Variants in C16orf92 observed in about 807,000 individuals in gnomAD.
C16orf92 encodes fertilization-influencing membrane protein 1.
In C16orf92, 14 loss-of-function variants were observed where a neutral mutation model predicts 13.7. That is an observed-to-expected ratio of 1.02 (90% CI 0.67 to 1.60). C16orf92 has a LOEUF of 1.60. C16orf92 is among the 40% of genes most tolerant of loss of function. The probability of loss-of-function intolerance (pLI) is 0.00; values close to 1 mark genes in which losing one functional copy is unlikely to be tolerated. For synonymous variants in C16orf92, 50 were observed against 57.4 expected (o/e 0.87, Z 0.58); for missense variants, 116 against 139.0 (o/e 0.83, Z 0.83).
downstream of C16orf92, among the ~76,000 whole-genome samples, chr16:30,026,078 C>CA (rs979154105): frequency 6.6e-6 from 1 of 151,808 alleles, no homozygotes; most frequent in African/African-American, 2.4e-5. Flanking sequence ...CTAAAAATAC[C>CA]AAAAAAATTA....
rs982136674 is a variant in C16orf92, at chr16:30,024,581, G to T, written c.*354G>T. On this transcript the variant is annotated 3_prime_UTR_variant, in exon 4 of 4. Coordinates refer to ENST00000681219, the MANE Select transcript of C16orf92 (RefSeq NM_001109659.2). ...TGCAGCCGATGGTGAGGGACTGGGCGCCCTCGCCTGCCCCCGGGGTTGTCA... is the reference window on the plus strand; with the variant it reads ...TGCAGCCGATGGTGAGGGACTGGGCTCCCTCGCCTGCCCCCGGGGTTGTCA... 9.2e-6 allele frequency: 3 copies of T among 325,356 alleles called. No homozygotes were observed. In the Admixed American group the frequency reaches 1.3e-4, roughly 15 times the overall value. 20.2% of individuals were successfully genotyped at this position (325,356 alleles called of 1,614,324 possible).
At position 30,024,031 on chromosome 16, in the gene C16orf92, G is replaced by T; in HGVS notation, c.256G>T (p.Val86Leu). Residue 86 changes from valine to leucine, a missense_variant, in exon 3 of 4, where the codon GTG becomes TTG. Physicochemically the swap from Val to Leu is conservative, Grantham distance 32 (BLOSUM62 1). Coordinates refer to ENST00000681219, the MANE Select transcript of C16orf92 (RefSeq NM_001109659.2). ...CCCCGGGCTCTTCCATCACATCCTGGTGGGCTTGCTGGTGGTGGCGTTCTT... is the reference window on the plus strand; with the variant it reads ...CCCCGGGCTCTTCCATCACATCCTGTTGGGCTTGCTGGTGGTGGCGTTCTT... ...SSPGLFHHIL[V>L]GLLVVAFFFL... 1 of 1,614,036 alleles carries T rather than the reference G, an allele frequency of 6.2e-7. No homozygotes were observed. Among genetic ancestry groups the T allele is most frequent in the Non-Finnish European group, 8.5e-7 (1 of 1,179,926 alleles).
At chr16:30,025,750 G>A (rs1177620255), downstream of C16orf92, 1 of 1,614,174 alleles carries the variant, frequency 6.2e-7, no homozygotes, top group African/African-American at 1.3e-5. This position sits in a 1 kb window ranked among gnomAD's most constrained non-coding sequence, Gnocchi z 4.1. Flanking sequence ...TGCCAAGGCA[G>A]ACGAAGGGCG....
chr16:30,024,248 G>A lies in C16orf92; in HGVS notation c.*21G>A, dbSNP rs763511301. 11 of 1,612,654 alleles carry A rather than the reference G, an allele frequency of 6.8e-6. No individual in the cohort carries two copies. The African/African-American group carries it at 1.5e-4, about 22-fold the overall frequency. Reference sequence around the variant, plus strand: ...CCTAAAGAGCCGGACAAGGGCTCTGGACTCAACCTGAGCACCCACACCCAC... The same window carrying A: ...CCTAAAGAGCCGGACAAGGGCTCTGAACTCAACCTGAGCACCCACACCCAC... On this transcript the variant is annotated 3_prime_UTR_variant, in exon 4 of 4. Transcript: ENST00000681219.
At chr16:30,026,476 C>A (rs546749026), downstream of C16orf92, 3 of 798,376 alleles carry the variant, frequency 3.8e-6, no homozygotes, top group African/African-American at 1.7e-5. Flanking sequence ...CTGTCCACAG[C>A]TTTCCCTGGG....
At chr16:30,025,943 T>A, downstream of C16orf92, 1 of 752,270 alleles carries the variant, frequency 1.3e-6, no homozygotes, top group Non-Finnish European at 2.2e-6. The surrounding 1 kb of genome is among the most constrained non-coding windows in gnomAD (Gnocchi z 4.1). Flanking sequence ...TCAGAACACC[T>A]GGGTGCAGGG....
downstream of C16orf92, chr16:30,025,335 C>A (rs2071069169): frequency 1.9e-6 from 3 of 1,581,070 alleles, no homozygotes; most frequent in Non-Finnish European, 2.6e-6. The surrounding 1 kb of genome is among the most constrained non-coding windows in gnomAD (Gnocchi z 4.1). Context: ...AGGGGCACGG[C>A]CAGCAGGGGC....
At chr16:30,027,174 G>A (rs1424623683), downstream of C16orf92, 3 of 481,554 alleles carry the variant, frequency 6.2e-6, no homozygotes, top group Admixed American at 2.3e-5. Context: ...GGACAGGCAG[G>A]TGGGACCTTG....
chr16:30,027,230 C>T (rs986407516), downstream of C16orf92: 5 of 457,572 alleles, frequency 1.1e-5, no homozygotes, highest in Middle Eastern at 6.9e-4. Flanking sequence ...GGACCAGCAA[C>T]AGCTGAAGGG....
intron 1 of C16orf92, 150 bp from the exon 2 acceptor site, chr16:30,023,577 G>A (rs760996901): frequency 1.4e-6 from 2 of 1,480,882 alleles, no homozygotes; most frequent in African/African-American, 1.4e-5. Flanking sequence ...TTGTCGTGGT[G>A]CACCCAGCTG....
chr16:30,025,676 C>T, downstream of C16orf92: 2 of 1,583,260 alleles, frequency 1.3e-6, no homozygotes, highest in Non-Finnish European at 8.7e-7. This position sits in a 1 kb window ranked among gnomAD's most constrained non-coding sequence, Gnocchi z 4.1. Context: ...GGTCCCTCCC[C>T]TTCCTGTGAC....
chr16:30,025,475 G>A (rs746730076), downstream of C16orf92: 7 of 1,610,894 alleles, frequency 4.3e-6, 1 homozygote, highest in South Asian at 6.6e-5. This position sits in a 1 kb window ranked among gnomAD's most constrained non-coding sequence, Gnocchi z 4.1. Context: ...GTACTGAGGA[G>A]ACACAGACAC....
downstream of C16orf92, chr16:30,027,590 T>G (rs1472485400): frequency 4.4e-6 from 2 of 455,936 alleles, no homozygotes; most frequent in Non-Finnish European, 8.8e-6. Flanking sequence ...GTCTATTTTG[T>G]GTTGTTTTTC....
downstream of C16orf92, among the ~76,000 whole-genome samples, chr16:30,026,413 G>A (rs544090300): frequency 6.6e-6 from 1 of 152,250 alleles, no homozygotes; most frequent in Admixed American, 6.5e-5. Context: ...CCAGCCCAGG[G>A]CCAGGCTGCC....
At chr16:30,025,464 T>G, downstream of C16orf92, 1 of 1,611,878 alleles carries the variant, frequency 6.2e-7, no homozygotes, top group Non-Finnish European at 8.5e-7. The surrounding 1 kb of genome is among the most constrained non-coding windows in gnomAD (Gnocchi z 4.1). Context: ...TGCTGCTGCT[T>G]GTACTGAGGA....
At chr16:30,024,179 C>T in intron 3 of C16orf92, 27 bp from the exon 4 acceptor site, 1 of 1,613,798 alleles carries the variant, frequency 6.2e-7, no homozygotes, top group Non-Finnish European at 8.5e-7. Context: ...GCTGTGACCT[C>T]TCCCCTCTGA....
downstream of C16orf92, chr16:30,025,073 CT>C: frequency 2.7e-6 from 2 of 728,980 alleles, no homozygotes; most frequent in Non-Finnish European, 4.3e-6. The surrounding 1 kb of genome is among the most constrained non-coding windows in gnomAD (Gnocchi z 4.1). Context: ...ATCGTCAGTC[CT>C]GGGGTTGTCC....
Position 30,023,797 on chromosome 16 carries a change from C to T in C16orf92, c.135C>T (p.Asp45=). Residue 45 remains aspartate, a synonymous_variant, in exon 2 of 4, where the codon GAC becomes GAT. Transcript: ENST00000681219. ...TESPRFLDRP[D]FFDYPDSDQA... ...CTCCGCGCTTCTTAGACAGACCTGACTTCTTCGATTATCCGGACTCAGACC... is the reference window on the plus strand; with the variant it reads ...CTCCGCGCTTCTTAGACAGACCTGATTTCTTCGATTATCCGGACTCAGACC... 6.2e-7 allele frequency: 1 copy of T among 1,614,176 alleles called. No individual in the cohort carries two copies.
chr16:30,026,807 C>T, downstream of C16orf92: 1 of 1,614,128 alleles, frequency 6.2e-7, no homozygotes. Context: ...TGAAGTAGGG[C>T]ACAGCAAATT....
Sources: gnomAD v4.1 joint callset for allele counts (sites outside exome capture counted in the v4.1 genomes callset) on GRCh38, gnomAD v4.1.1 for gene constraint, Gnocchi (gnomAD v3.1) non-coding constraint, MANE v1.5 for transcripts, NCBI Gene and HGNC (gene_info 2026-07-23, HGNC 2026-07-21) for gene names.